GDF9: variants seen among roughly 807,000 people sequenced by gnomAD.
GDF9 encodes growth/differentiation factor 9.
GDF9 carries 30 observed loss-of-function variants against 33.8 expected under a neutral mutation model. The ratio of observed to expected loss-of-function variants is 0.89; its 90% CI spans 0.66 to 1.20. The LOEUF (loss-of-function observed/expected upper bound fraction) is 1.20. Ranked by LOEUF, GDF9 falls within the 50% of genes most tolerant of loss-of-function variation. The pLI, the probability that GDF9 is intolerant of heterozygous loss-of-function variation, is 0.00. For synonymous variants in GDF9, 205 were observed against 200.7 expected, an observed-to-expected ratio of 1.02 and a Z score of -0.18; for missense variants, 556 against 543.7, an observed-to-expected ratio of 1.02 and a Z score of -0.22.
upstream of GDF9, chr5:132,866,600 TCA>T (rs1452290174): frequency 1.9e-6 from 1 of 539,694 alleles, no homozygotes; most frequent in East Asian, 3.3e-5. Flanking sequence ...GGAAGTTACC[TCA>T]CGACCTCCAA....
intron 1 of GDF9, among the ~76,000 whole-genome samples, chr5:132,863,733 A>G (rs1430578483): frequency 1.3e-5 from 2 of 152,212 alleles, no homozygotes; most frequent in African/African-American, 4.8e-5. Flanking sequence ...CAAAACGGGA[A>G]CTTTAAGCTT....
Position 132,864,220 on chromosome 5 carries a change from G to A in GDF9, c.314C>T (p.Ser105Phe). The A allele has an allele frequency of 2.5e-6, 4 of 1,614,168 alleles. No homozygotes were observed. Among genetic ancestry groups the A allele is most frequent in the Non-Finnish European group, 3.4e-6 (4 of 1,179,998 alleles). ...TYATKEGIPK[S>F]NRSHLYNTVR... ...AGTGTTGTAGAGGTGACTTCTATTG[G>A]ATTTAGGAATCCCTTCCTTGGTAGC... Residue 105 changes from serine (S) to phenylalanine (F), a missense_variant, in exon 1 of 2, where the codon TCC (serine) becomes TTC (phenylalanine). Ser to Phe is a radical substitution (Grantham distance 155). Transcript: ENST00000687138.
rs1759543726 is a variant in GDF9 at position 132,865,455 on chromosome 5, C to T, written c.-922G>A. ...TCCTTACCTGTATTTCTGTTCTTGC[C>T]TTGGAGCTGAGACCAGGCTAGACAT... is the stretch of plus-strand genomic sequence containing the variant. On this transcript the variant is annotated 5_prime_UTR_variant, in exon 1 of 2. Transcript: ENST00000687138. The T allele has an allele frequency of 6.6e-6, 1 of 152,028 alleles. No individual in the cohort carries two copies. The highest frequency in any genetic ancestry group is 2.1e-4 in the South Asian group (1 of 4,826). The allele number at this position is 152,028 out of a possible 1,614,324, so 9.4% of individuals were successfully genotyped here.
Position 132,864,612 on chromosome 5 carries a change from T to G in GDF9, c.-79A>C. ...AGGCCAGGAAGAGCCTAGCTTGGTC[T>G]CTTAAATAAATTTCAGGTGTGTGGG... is the stretch of plus-strand genomic sequence containing the variant. On this transcript the variant is annotated 5_prime_UTR_variant, in exon 1 of 2. Transcript: ENST00000687138. The G allele has an allele frequency of 2.0e-6, 3 of 1,477,700 alleles. No homozygotes were observed. The highest frequency in any genetic ancestry group is 2.8e-6 in the Non-Finnish European group (3 of 1,072,946). 91.5% of individuals were successfully genotyped at this position (1,477,700 alleles called of 1,614,324 possible).
In GDF9 at chr5:132,866,103, G is replaced by T. The variant is rs748653235; in HGVS notation, c.-1570C>A. 6.6e-6 allele frequency: 1 copy of T among 152,324 alleles called. No individual in the cohort carries two copies. Among genetic ancestry groups the T allele is most frequent in the African/African-American group, 2.4e-5 (1 of 41,456 alleles). 9.4% of individuals were successfully genotyped at this position (152,324 alleles called of 1,614,324 possible). A position where few individuals can be genotyped will look rare whatever the true frequency, so the allele number is the denominator to read the frequency against. ...AGAGTCCAAGAGAAGCCTTCGATGTGTGTCCCTGATTTTGGTGCTGGGGTC... is the reference window on the plus strand; with the variant it reads ...AGAGTCCAAGAGAAGCCTTCGATGTTTGTCCCTGATTTTGGTGCTGGGGTC... On this transcript the variant is annotated 5_prime_UTR_variant, in exon 1 of 2. Transcript: ENST00000687138.
In GDF9 at chr5:132,864,467, G is replaced by A. The variant is rs367679901; in HGVS notation, c.67C>T (p.Leu23Phe). The change falls in exon 1 of 2, where the codon CTT becomes TTT. Residue 23 changes from leucine (L) to phenylalanine (F), a missense_variant. Coordinates refer to ENST00000687138, the MANE Select transcript of GDF9 (RefSeq NM_005260.7). The stretch of plus-strand genomic sequence containing the variant: ...TCTCCCCCAGAAGCCTGAGAACCAA[G>A]GCTAATAGGAAAACACAGCCAGGCA... The part of the protein sequence containing the change: ...CFAWLCFPIS[L>F]GSQASGGEAQ... 9.3e-6 allele frequency: 15 copies of A among 1,613,732 alleles called. No individual in the cohort carries two copies. The highest frequency in any genetic ancestry group is 1.3e-5 in the Non-Finnish European group (15 of 1,180,004).
chr5:132,862,479 G>T lies in GDF9; in HGVS notation c.475C>A (p.Leu159Met). The change falls in exon 2 of 2, where the codon CTG becomes ATG. Residue 159 changes from leucine to methionine, a missense_variant. Leu to Met is a conservative substitution (Grantham distance 15, BLOSUM62 2). Coordinates refer to ENST00000687138, the MANE Select transcript of GDF9 (RefSeq NM_005260.7). ...GAAACTGAGTTGTTGATATTGTACA[G>T]CAAGACTGACTTGAGTAAGTGTTCA... The part of the protein sequence containing the change: ...TVEHLLKSVL[L>M]YNINNSVSFS... The T allele has an allele frequency of 1.2e-6, 2 of 1,613,164 alleles. No homozygotes were observed. Among genetic ancestry groups the T allele is most frequent in the Non-Finnish European group, 1.7e-6 (2 of 1,179,398 alleles).
rs191964109 is a variant in GDF9, at chr5:132,863,211, C to T, written c.398-655G>A. Among the ~76,000 whole-genome samples, 198 of 152,252 alleles carry T rather than the reference C, an allele frequency of 1.3e-3. 1 individual carries two copies. The highest frequency in any genetic ancestry group is 3.4e-4 in the Non-Finnish European group (23 of 67,998). On this transcript the variant is annotated intron_variant, in intron 1 of 1. Coordinates refer to ENST00000687138, the MANE Select transcript of GDF9 (RefSeq NM_005260.7). ...GTAGTATTTTTCTCTTGGATAATCT[C>T]TAGAGGGAAAACCATAATAGAAACA...
chr5:132,861,812 T>C lies in GDF9; in HGVS notation c.1142A>G (p.Tyr381Cys). 6.2e-7 allele frequency: 1 copy of C among 1,613,692 alleles called. No individual in the cohort carries two copies. Among genetic ancestry groups the C allele is most frequent in the Non-Finnish European group, 8.5e-7 (1 of 1,179,572 alleles). The change falls in exon 2 of 2, where the codon TAC (tyrosine) becomes TGC (cysteine). Residue 381 changes from tyrosine to cysteine, a missense_variant. Tyr to Cys is a radical substitution (Grantham distance 194). Transcript: ENST00000687138. Reference protein sequence around the residue: ...IVAPHRYNPRYCKGDCPRAVG... With the variant: ...IVAPHRYNPRCCKGDCPRAVG... ...TGCCCTTGGACAGTCCCCTTTACAG[T>C]ATCGAGGGTTGTACCTGTGCGGAGC... is the stretch of plus-strand genomic sequence containing the variant.
At chr5:132,863,205 T>C (rs1159620300) in intron 1 of GDF9, among the ~76,000 whole-genome samples, 2 of 152,218 alleles carry the variant, frequency 1.3e-5, no homozygotes, top group African/African-American at 4.8e-5. Context: ...TTCTCTTGGA[T>C]AATCTCTAGA....
In GDF9 at chr5:132,864,121, A is replaced by G; in HGVS notation, c.397+16T>C. 1 of 1,613,762 alleles carries G rather than the reference A, an allele frequency of 6.2e-7. No individual in the cohort carries two copies. Among genetic ancestry groups the G allele is most frequent in the Non-Finnish European group, 8.5e-7 (1 of 1,179,718 alleles). On this transcript the variant is annotated intron_variant, in intron 1 of 1. Coordinates refer to ENST00000687138, the MANE Select transcript of GDF9 (RefSeq NM_005260.7). Reference sequence around the variant, plus strand: ...CATCTTCCCTCCACCCAGTTAACCAATCTGCTTTCACATACCTGTTACCTG... The same window carrying G: ...CATCTTCCCTCCACCCAGTTAACCAGTCTGCTTTCACATACCTGTTACCTG...
At chr5:132,863,816 G>A (rs1299108039) in intron 1 of GDF9, among the ~76,000 whole-genome samples, 1 of 152,194 alleles carries the variant, frequency 6.6e-6, no homozygotes, top group East Asian at 1.9e-4. Flanking sequence ...TGTAAGAGAT[G>A]TTTAAGGTCC....
At chr5:132,862,589 G>C in intron 1 of GDF9, 33 bp from the exon 2 acceptor site, 1 of 1,552,538 alleles carries the variant, frequency 6.4e-7, no homozygotes, top group Non-Finnish European at 8.8e-7. Flanking sequence ...AGTAGTGCTT[G>C]AAAATCAGTC....
In GDF9 at chr5:132,864,501, A is replaced by C. The variant is rs1437338088; in HGVS notation, c.33T>G (p.Phe11Leu). The change falls in exon 1 of 2, where the codon TTT (phenylalanine) becomes TTG (leucine). Residue 11 changes from phenylalanine to leucine, a missense_variant. By Grantham distance (22) the Phe-to-Leu change is conservative (BLOSUM62 0). Coordinates refer to ENST00000687138, the MANE Select transcript of GDF9 (RefSeq NM_005260.7). ...GAAAACACAGCCAGGCAAAGCAGCA[A>C]AACCAAAGGAGGAATTTGTTGGGAC... is the stretch of plus-strand genomic sequence containing the variant. MARPNKFLLW[F>L]CCFAWLCFPI... is the part of the protein sequence containing the mutation. 6.2e-7 allele frequency: 1 copy of C among 1,611,418 alleles called. No homozygotes were observed. Among genetic ancestry groups the C allele is most frequent in the Admixed American group, 1.7e-5 (1 of 60,030 alleles).
In GDF9 at chr5:132,862,067, C is replaced by T; in HGVS notation, c.887G>A (p.Ser296Asn). The T allele has an allele frequency of 6.2e-7, 1 of 1,614,076 alleles. No individual in the cohort carries two copies. Among genetic ancestry groups the T allele is most frequent in the East Asian group, 2.2e-5 (1 of 44,888 alleles). The change falls in exon 2 of 2, where the codon AGT becomes AAT. Residue 296 changes from serine (S) to asparagine (N), a missense_variant. Ser to Asn is a conservative substitution (Grantham distance 46). Transcript: ENST00000687138. ...TTCTCCCACAGGATAGGCAGACAGA[C>T]TTCTCTCCTGGTCAGGACCCTGGGA... ...RPSQGPDQERSLSAYPVGEEA... is the reference protein window; with the variant it reads ...RPSQGPDQERNLSAYPVGEEA...
In GDF9 at chr5:132,862,264, A is replaced by G. The variant is rs1010013865; in HGVS notation, c.690T>C (p.Ser230=). Reference sequence around the variant, plus strand: ...AAGTAAAATTTATAGACATGTGAATACTTCTCTTGTTGGAGGCCACTAAAG... The same window carrying G: ...AAGTAAAATTTATAGACATGTGAATGCTTCTCTTGTTGGAGGCCACTAAAG... ...LQPLVASNKR[S]IHMSINFTCM... is the part of the protein sequence containing the mutation. Residue 230 remains serine, a synonymous_variant, in exon 2 of 2, where the codon AGT becomes AGC. Transcript: ENST00000687138. The G allele has an allele frequency of 1.2e-6, 2 of 1,613,522 alleles. No homozygotes were observed. The highest frequency in any genetic ancestry group is 1.7e-6 in the Non-Finnish European group (2 of 1,179,518).
rs141269165 is a variant in GDF9 at position 132,863,990 on chromosome 5, A to G, written c.397+147T>C. 3.6e-6 allele frequency: 3 copies of G among 841,352 alleles called. No individual in the cohort carries two copies. The Admixed American group carries it at 5.9e-5, about 17-fold the overall frequency. 52.1% of individuals were successfully genotyped at this position (841,352 alleles called of 1,614,324 possible). ...GCGTTAGGAATAAACAATAAGCTCA[A>G]GTCCCAGATTTGTTTCAACTGGATA... On this transcript the variant is annotated intron_variant, in intron 1 of 1. Transcript: ENST00000687138.
At position 132,864,416 on chromosome 5, in the gene GDF9, A is replaced by C. The variant is rs184318860; in HGVS notation, c.118T>G (p.Leu40Val). 4.6e-4 allele frequency: 744 copies of C among 1,613,868 alleles called. 7 individuals carry two copies. In the East Asian group the frequency reaches 0.016, roughly 34 times the overall value. The change falls in exon 1 of 2, where the codon TTG (leucine) becomes GTG (valine). Residue 40 changes from leucine to valine, a missense_variant. By Grantham distance (32) the Leu-to-Val change is conservative. Transcript: ENST00000687138. ...GACCAAGGCATAGCCCCAGATTCCAACTCAGCACTAGCAGCAATCTGAGCT... is the reference window on the plus strand; with the variant it reads ...GACCAAGGCATAGCCCCAGATTCCACCTCAGCACTAGCAGCAATCTGAGCT... ...GEAQIAASAE[L>V]ESGAMPWSLL...
rs771148092 is a variant in GDF9, at chr5:132,862,146, T to C, written c.808A>G (p.Thr270Ala). 1.2e-6 allele frequency: 2 copies of C among 1,613,218 alleles called. No homozygotes were observed. The highest frequency in any genetic ancestry group is 1.7e-6 in the Non-Finnish European group (2 of 1,179,150). ...SPSLILYLND[T>A]SAQAYHSWYS... is the part of the protein sequence containing the mutation. ...CAGCTGTGATAAGCCTGAGCACTTG[T>C]GTCATTCAAATATAAGATCAGTGAG... Residue 270 changes from threonine to alanine, a missense_variant, in exon 2 of 2, where the codon ACA becomes GCA. Physicochemically the swap from Thr to Ala is moderately conservative, Grantham distance 58. Coordinates refer to ENST00000687138, the MANE Select transcript of GDF9 (RefSeq NM_005260.7).
Sources: allele counts gnomAD v4.1 joint callset (sites outside exome capture counted in the v4.1 genomes callset), GRCh38; gene constraint gnomAD v4.1.1; transcripts MANE v1.5; gene names NCBI Gene and HGNC (gene_info 2026-07-23, HGNC 2026-07-21).